Variants in ARHGAP26 observed in about 807,000 individuals in gnomAD.
The protein encoded by ARHGAP26 is rho GTPase-activating protein 26.
A neutral mutation model predicts 104.8 loss-of-function variants in ARHGAP26; 38 were observed. That is an observed-to-expected ratio of 0.36 (90% CI 0.28 to 0.48). The LOEUF (loss-of-function observed/expected upper bound fraction) is 0.48, where lower values mean the gene tolerates loss of function less well. ARHGAP26 is among the 20% of genes least tolerant of loss of function. The pLI is 0.99. For missense variants in ARHGAP26, 704 were observed against 947.9 expected (o/e 0.74, Z 3.38); for synonymous variants, 341 against 340.0 (o/e 1.00, Z -0.03).
chr5:142,833,224 T>A (rs1182949232), intron 1 of ARHGAP26, among the ~76,000 whole-genome samples: 2 of 149,132 alleles, frequency 1.3e-5, no homozygotes, highest in Non-Finnish European at 3.0e-5. Context: ...CGGCTAATTT[T>A]TTTTTTTTTT....
intron 11 of ARHGAP26, among the ~76,000 whole-genome samples, chr5:143,007,001 G>A (rs1212349288): frequency 6.6e-6 from 1 of 151,890 alleles, no homozygotes; most frequent in Non-Finnish European, 1.5e-5. Flanking sequence ...AGGCCGAGGC[G>A]GGTGGATTGC....
intron 1 of ARHGAP26, among the ~76,000 whole-genome samples, chr5:142,783,814 G>C (rs1757997183): frequency 6.6e-6 from 1 of 152,228 alleles, no homozygotes; most frequent in Admixed American, 6.5e-5. Flanking sequence ...TCTGCTATTT[G>C]CTTCTTAAGA....
At chr5:143,120,888 G>A (rs1035231766) in intron 17 of ARHGAP26, 100 bp from the exon 18 acceptor site, 50 of 1,216,572 alleles carry the variant, frequency 4.1e-5, no homozygotes, top group Admixed American at 2.7e-4. Context: ...TCCTACAGAT[G>A]AGGAGTCTAT....
chr5:142,847,420 C>T (rs1201181390), intron 1 of ARHGAP26, among the ~76,000 whole-genome samples: 2 of 151,700 alleles, frequency 1.3e-5, no homozygotes, highest in Non-Finnish European at 2.9e-5. Flanking sequence ...TGCAATGGCG[C>T]GATCTCGGCT....
chr5:142,810,615 T>TGGG (rs1272912038), intron 1 of ARHGAP26, among the ~76,000 whole-genome samples: 1 of 152,210 alleles, frequency 6.6e-6, no homozygotes, highest in African/African-American at 2.4e-5. Context: ...GTTGCAGGGA[T>TGGG]GGGGACATTT....
chr5:142,948,679 A>C (rs2152573484), intron 11 of ARHGAP26, among the ~76,000 whole-genome samples: 1 of 151,926 alleles, frequency 6.6e-6, no homozygotes, highest in East Asian at 1.9e-4. Context: ...CATTAAAAAC[A>C]GAGGTTAGAA....
At chr5:142,890,151 A>AAAAAAAAAAATATAT (rs1252590997) in intron 5 of ARHGAP26, among the ~76,000 whole-genome samples, 2 of 32,426 alleles carry the variant, frequency 6.2e-5, no homozygotes, top group Admixed American at 9.8e-4. Context: ...AAAAAAAAAA[A>AAAAAAAAAAATATAT]ATATATATAT....
Position 143,147,226 on chromosome 5 carries a change from C to T in ARHGAP26, c.1838-5C>T. 2 of 1,613,424 alleles carry T rather than the reference C, an allele frequency of 1.2e-6. No individual in the cohort carries two copies. Among genetic ancestry groups the T allele is most frequent in the African/African-American group, 1.3e-5 (1 of 75,018 alleles). On this transcript the variant is annotated splice_region_variant and splice_polypyrimidine_tract_variant and intron_variant, in intron 19 of 22. Coordinates refer to ENST00000645722, the MANE Select transcript of ARHGAP26 (RefSeq NM_001135608.3). ...AATATGGGACTTGTGGCTTTTCCCC[C>T]CCAGAGGAACAAAGGAACAGCATCA...
intron 1 of ARHGAP26, among the ~76,000 whole-genome samples, chr5:142,828,876 C>A (rs1767832447): frequency 6.6e-6 from 1 of 152,224 alleles, no homozygotes; most frequent in South Asian, 2.1e-4. Flanking sequence ...GATTCTGACA[C>A]ACACCAGGTC....
intron 20 of ARHGAP26, among the ~76,000 whole-genome samples, chr5:143,171,861 C>T (rs973197189): frequency 1.3e-5 from 2 of 152,226 alleles, no homozygotes; most frequent in Admixed American, 6.5e-5. Flanking sequence ...CTACTGATTA[C>T]ATTTCCCATT....
At chr5:142,992,346 A>C (rs1775729207) in intron 11 of ARHGAP26, among the ~76,000 whole-genome samples, 1 of 152,138 alleles carries the variant, frequency 6.6e-6, no homozygotes, top group African/African-American at 2.4e-5. Flanking sequence ...ACACTATTGA[A>C]TAATTAACTA....
intron 1 of ARHGAP26, among the ~76,000 whole-genome samples, chr5:142,842,659 G>C (rs145830255): frequency 5.9e-5 from 9 of 152,318 alleles, no homozygotes; most frequent in African/African-American, 2.2e-4. Context: ...TTAGAAATCT[G>C]TCTTGTCACC....
At chr5:143,115,264 C>T (rs568464630) in intron 17 of ARHGAP26, among the ~76,000 whole-genome samples, 3 of 151,854 alleles carry the variant, frequency 2.0e-5, no homozygotes, top group Admixed American at 6.6e-5. Context: ...ACCCAGGAGG[C>T]GGAGGTTGCA....
Position 142,919,958 on chromosome 5 carries a change from C to T in ARHGAP26, c.1028+6665C>T, listed in dbSNP as rs181885944. Among the ~76,000 whole-genome samples, 810 of 152,186 alleles carry T rather than the reference C, an allele frequency of 5.3e-3. 17 individuals carry two copies. The highest frequency in any genetic ancestry group is 0.037 in the Admixed American group (572 of 15,282). On this transcript the variant is annotated intron_variant, in intron 10 of 22. Transcript: ENST00000645722. Reference sequence around the variant, plus strand: ...TGGAGGTTGCAGTGAGCTGAGATCGCGCCACCACACTCCAGCCTGGGTGAC... The same window carrying T: ...TGGAGGTTGCAGTGAGCTGAGATCGTGCCACCACACTCCAGCCTGGGTGAC...
At chr5:142,968,413 G>C (rs1771739928) in intron 11 of ARHGAP26, among the ~76,000 whole-genome samples, 1 of 151,990 alleles carries the variant, frequency 6.6e-6, no homozygotes, top group Non-Finnish European at 1.5e-5. Context: ...ATTATATTAG[G>C]ATCTCTGGAT....
intron 18 of ARHGAP26, among the ~76,000 whole-genome samples, chr5:143,132,435 A>T (rs938332665): frequency 2.6e-5 from 4 of 151,710 alleles, no homozygotes; most frequent in Middle Eastern, 3.2e-3. Context: ...GGAGGAGACC[A>T]ACTTCAAAGA....
chr5:143,054,608 G>T, intron 15 of ARHGAP26, 82 bp downstream of exon 15: 1 of 1,020,940 alleles, frequency 9.8e-7, no homozygotes, highest in Non-Finnish European at 1.5e-6. Flanking sequence ...TTCAGACTCC[G>T]GAGAGCTGTC....
intron 15 of ARHGAP26, among the ~76,000 whole-genome samples, chr5:143,055,178 T>TA (rs966986680): frequency 2.0e-5 from 3 of 152,178 alleles, no homozygotes; most frequent in African/African-American, 7.2e-5. Context: ...CCATAGTTCT[T>TA]ACCAAAAAAG....
At chr5:142,874,716 AAGGCTGGGTTCTG>A (rs1755832136) in intron 2 of ARHGAP26, among the ~76,000 whole-genome samples, 1 of 152,128 alleles carries the variant, frequency 6.6e-6, no homozygotes. Flanking sequence ...TGCCAAAGAA[AAGGCTGGGTTCTG>A]ACGCAACGCC....
Sources: allele counts gnomAD v4.1 joint callset (sites outside exome capture counted in the v4.1 genomes callset), GRCh38; gene constraint gnomAD v4.1.1; transcripts MANE v1.5; gene names NCBI Gene and HGNC (gene_info 2026-07-23, HGNC 2026-07-21).